CBLB: variants seen among roughly 807,000 people sequenced by gnomAD.
CBLB encodes E3 ubiquitin-protein ligase CBL-B.
A neutral mutation model predicts 104.9 loss-of-function variants in CBLB; 31 were observed. The ratio of observed to expected loss-of-function variants is 0.30; its 90% CI spans 0.22 to 0.40. The LOEUF (loss-of-function observed/expected upper bound fraction) is 0.40. CBLB is among the 10% of genes least tolerant of loss of function. CBLB has a pLI of 1.00. For missense variants in CBLB, 1,062 were observed against 1,214.6 expected (o/e 0.87, Z 1.87); for synonymous variants, 440 against 422.6 (o/e 1.04, Z -0.51).
At chr3:105,797,576 T>C (rs1316237425) in intron 3 of CBLB, among the ~76,000 whole-genome samples, 1 of 152,080 alleles carries the variant, frequency 6.6e-6, no homozygotes, top group African/African-American at 2.4e-5. Flanking sequence ...AACCTACATA[T>C]TTACTCCTGA....
intron 9 of CBLB, among the ~76,000 whole-genome samples, chr3:105,733,122 C>T (rs1395092592): frequency 6.6e-6 from 1 of 152,104 alleles, no homozygotes; most frequent in Non-Finnish European, 1.5e-5. Context: ...CTTTGGGAGG[C>T]CGTGGCAGGT....
chr3:105,754,539 G>GAC (rs1310044459), intron 4 of CBLB, among the ~76,000 whole-genome samples: 7 of 142,882 alleles, frequency 4.9e-5, no homozygotes, highest in South Asian at 4.5e-4. Flanking sequence ...GAGAGAGAGA[G>GAC]AGAGAGAGAG....
At chr3:105,830,356 G>C (rs1324326996) in intron 3 of CBLB, among the ~76,000 whole-genome samples, 1 of 152,120 alleles carries the variant, frequency 6.6e-6, no homozygotes, top group East Asian at 1.9e-4. Context: ...TCCTATCAAA[G>C]ACTTTTCCTT....
chr3:105,717,921 T>C lies in CBLB; in HGVS notation c.1407+2126A>G, dbSNP rs146828188. Among the ~76,000 whole-genome samples the C allele has an allele frequency of 8.4e-3, 1,284 of 152,294 alleles. 11 individuals are homozygous for C. The highest frequency in any genetic ancestry group is 0.012 in the Non-Finnish European group (789 of 68,026). On this transcript the variant is annotated intron_variant, in intron 10 of 18. Coordinates refer to ENST00000394030, the MANE Select transcript of CBLB (RefSeq NM_170662.5). ...TTCTTCTAGGTTCTTAGGTCCTTGATCCCGTTTGATCATCACAACACCCAA... is the reference window on the plus strand; with the variant it reads ...TTCTTCTAGGTTCTTAGGTCCTTGACCCCGTTTGATCATCACAACACCCAA...
At chr3:105,718,904 T>G (rs2072339845) in intron 10 of CBLB, among the ~76,000 whole-genome samples, 1 of 152,146 alleles carries the variant, frequency 6.6e-6, no homozygotes, top group Non-Finnish European at 1.5e-5. Context: ...TATCCAAGAG[T>G]CTACCTCTCT....
rs772941095 is a variant in CBLB, at chr3:105,867,432, G to A, written c.146C>T (p.Thr49Ile). The A allele has an allele frequency of 1.9e-6, 3 of 1,614,174 alleles. No individual in the cohort carries two copies. Residue 49 changes from threonine to isoleucine, a missense_variant, in exon 2 of 19, where the codon ACT becomes ATT. By Grantham distance (89) the Thr-to-Ile change is moderately conservative. Transcript: ENST00000394030. ...TACCACTTTGTCCATGAGCTTCCAA[G>A]TCTTCTCCACGGTCCTGCGATCTGC... ...AAADRRTVEK[T>I]WKLMDKVVRL...
At chr3:105,763,474 A>G (rs1486692248) in intron 4 of CBLB, among the ~76,000 whole-genome samples, 1 of 152,202 alleles carries the variant, frequency 6.6e-6, no homozygotes, top group Non-Finnish European at 1.5e-5. Context: ...GTGGTTTCCC[A>G]CAAACTATTC....
chr3:105,755,956 T>C (rs1253123901), intron 4 of CBLB, among the ~76,000 whole-genome samples: 1 of 152,346 alleles, frequency 6.6e-6, no homozygotes, highest in East Asian at 1.9e-4. Context: ...GGAAATAGTA[T>C]TTTTAAAATT....
chr3:105,659,432 T>C (rs763504544), intron 18 of CBLB, among the ~76,000 whole-genome samples: 5 of 152,198 alleles, frequency 3.3e-5, no homozygotes, highest in Non-Finnish European at 7.3e-5. Context: ...AGGTACAGTG[T>C]GTTGGTAGTT....
chr3:105,819,971 T>C (rs973864300), intron 3 of CBLB, among the ~76,000 whole-genome samples: 7 of 152,154 alleles, frequency 4.6e-5, no homozygotes, highest in Non-Finnish European at 1.0e-4. Flanking sequence ...ACTACATTTA[T>C]TGTGCACTTG....
intron 3 of CBLB, among the ~76,000 whole-genome samples, chr3:105,834,282 A>G (rs982678411): frequency 1.3e-5 from 2 of 152,234 alleles, no homozygotes; most frequent in East Asian, 1.9e-4. Context: ...TATGTTAATT[A>G]GCTTGATTTA....
intron 3 of CBLB, among the ~76,000 whole-genome samples, chr3:105,810,819 T>C (rs1324599920): frequency 6.6e-6 from 1 of 152,156 alleles, no homozygotes; most frequent in East Asian, 1.9e-4. Context: ...TAGGAGTAAA[T>C]GCCTGCTACT....
chr3:105,682,089 G>A (rs2066387288), intron 14 of CBLB: 1 of 374,068 alleles, frequency 2.7e-6, no homozygotes, highest in Non-Finnish European at 4.9e-6. Flanking sequence ...TAAACACTAT[G>A]TAAAATTAAC....
chr3:105,781,146 T>A (rs2152975747), intron 3 of CBLB, among the ~76,000 whole-genome samples: 1 of 152,172 alleles, frequency 6.6e-6, no homozygotes, highest in South Asian at 2.1e-4. Context: ...GTGAAATGAA[T>A]CCACAACGTC....
intron 3 of CBLB, among the ~76,000 whole-genome samples, chr3:105,815,279 A>G (rs114026674): frequency 3.9e-5 from 6 of 152,308 alleles, no homozygotes; most frequent in African/African-American, 1.4e-4. Context: ...AATGATAAAA[A>G]TATCTTTGTT....
intron 17 of CBLB, among the ~76,000 whole-genome samples, chr3:105,674,662 C>A (rs960138495): frequency 6.6e-6 from 1 of 152,144 alleles, no homozygotes; most frequent in Non-Finnish European, 1.5e-5. Flanking sequence ...TTCAATCTAC[C>A]AGCAAAAAGG....
intron 3 of CBLB, among the ~76,000 whole-genome samples, chr3:105,809,495 G>T (rs1002686990): frequency 6.6e-6 from 1 of 152,162 alleles, no homozygotes; most frequent in East Asian, 1.9e-4. Flanking sequence ...AGCACCTTGA[G>T]ACTTATTTTT....
chr3:105,854,587 C>T (rs916424690), intron 2 of CBLB, among the ~76,000 whole-genome samples: 2 of 142,038 alleles, frequency 1.4e-5, no homozygotes, highest in Non-Finnish European at 3.0e-5. Flanking sequence ...CTAAGGCCCT[C>T]GTTGTATTTT....
chr3:105,692,473 A>G (rs1313897705), intron 13 of CBLB, among the ~76,000 whole-genome samples: 1 of 152,180 alleles, frequency 6.6e-6, no homozygotes, highest in Admixed American at 6.5e-5. Context: ...TCACAAAGAA[A>G]TAGAGTCTGA....
Sources: allele counts gnomAD v4.1 joint callset (sites outside exome capture counted in the v4.1 genomes callset), GRCh38; gene constraint gnomAD v4.1.1; transcripts MANE v1.5; gene names NCBI Gene and HGNC (gene_info 2026-07-23, HGNC 2026-07-21).